TOGARAM1: variants seen among roughly 807,000 people sequenced by gnomAD.
The protein encoded by TOGARAM1 is TOG array regulator of axonemal microtubules 1.
In TOGARAM1, 100 loss-of-function variants were observed where a neutral mutation model predicts 166.6. The ratio of observed to expected loss-of-function variants is 0.60; its 90% CI spans 0.51 to 0.71. The LOEUF is 0.71. TOGARAM1 is among the 30% of genes least tolerant of loss of function. TOGARAM1 has a pLI of 0.00. For missense variants in TOGARAM1, 2,029 were observed against 2,102.7 expected, an observed-to-expected ratio of 0.96 and a Z score of 0.69; for synonymous variants, 758 against 763.8, an observed-to-expected ratio of 0.99 and a Z score of 0.13.
chr14:45,051,781 C>T (rs891003960), intron 14 of TOGARAM1, among the ~76,000 whole-genome samples: 9 of 152,052 alleles, frequency 5.9e-5, no homozygotes, highest in Admixed American at 6.6e-5. Context: ...AGGCTGATCT[C>T]GAACTCCTGA....
chr14:44,969,110 T>TTTCCTTCCTTCCTTCCTTCC lies in TOGARAM1; in HGVS notation c.2046+4662_2046+4681dup, dbSNP rs369302120. 1.1e-3 allele frequency among the ~76,000 whole-genome samples: 153 copies of TTTCCTTCCTTCCTTCCTTCC among 139,204 alleles called. 2 individuals carry two copies. Among genetic ancestry groups the TTTCCTTCCTTCCTTCCTTCC allele is most frequent in the African/African-American group, 4.0e-3 (137 of 34,266 alleles). The allele number at this position is 139,204 out of a possible 152,430, so 91.3% of individuals were successfully genotyped here. A position where few individuals can be genotyped will look rare whatever the true frequency, so the allele number is the denominator to read the frequency against. ...GTTTGATACCTCATTTCTTTCTTTC[T>TTTCCTTCCTTCCTTCCTTCC]TTCCTTCCTTCCTTCCTTCCTTCCT... On this transcript the variant is annotated intron_variant, in intron 1 of 19. Coordinates refer to ENST00000361462, the MANE Select transcript of TOGARAM1 (RefSeq NM_001308120.2).
At chr14:45,052,620 C>T in intron 15 of TOGARAM1, 58 bp downstream of exon 15, 1 of 1,457,160 alleles carries the variant, frequency 6.9e-7, no homozygotes, top group Non-Finnish European at 9.4e-7. Context: ...GTTTTTACAT[C>T]CAGGTAAAGG....
intron 8 of TOGARAM1, 50 bp from the exon 9 acceptor site, chr14:45,027,249 G>C (rs770789311): frequency 1.3e-6 from 2 of 1,586,556 alleles, no homozygotes; most frequent in African/African-American, 2.7e-5. Context: ...GTTGTCTAGA[G>C]TACCATCACA....
At chr14:45,037,347 T>C (rs1881486474) in intron 11 of TOGARAM1, among the ~76,000 whole-genome samples, 1 of 152,182 alleles carries the variant, frequency 6.6e-6, no homozygotes, top group African/African-American at 2.4e-5. Flanking sequence ...GGACCATAAT[T>C]AAATCTGCAA....
intron 16 of TOGARAM1, among the ~76,000 whole-genome samples, chr14:45,063,325 C>G (rs1030699691): frequency 1.3e-5 from 2 of 152,066 alleles, no homozygotes; most frequent in African/African-American, 4.8e-5. Context: ...TATGATAACT[C>G]TATGTTTAAT....
chr14:44,979,197 T>C (rs2138751091), intron 1 of TOGARAM1, among the ~76,000 whole-genome samples: 1 of 152,194 alleles, frequency 6.6e-6, no homozygotes, highest in East Asian at 1.9e-4. Flanking sequence ...ATAATACTGT[T>C]TTCAAAGGCA....
At chr14:45,007,299 C>A (rs1879507052) in intron 5 of TOGARAM1, 1 of 151,252 alleles carries the variant, frequency 6.6e-6, no homozygotes, top group Admixed American at 6.6e-5. Flanking sequence ...AGTAATCACC[C>A]CAACTTCTGC....
rs756440165 is a variant in TOGARAM1 at position 45,006,092 on chromosome 14, C to T, written c.2729C>T (p.Thr910Ile). ...SPSSRRGLNG[T>I]KPVPPIPRGI... ...TCTTCCCGACGAGGTCTAAATGGGACAAAGCCTGTTCCTCCCATACCAAGG... is the reference window on the plus strand; with the variant it reads ...TCTTCCCGACGAGGTCTAAATGGGATAAAGCCTGTTCCTCCCATACCAAGG... Residue 910 changes from threonine (T) to isoleucine (I), a missense_variant, in exon 5 of 20, where the codon ACA becomes ATA. This residue lies in a region of TOGARAM1 where 1,453 missense variants were observed against 1,432.2 expected (regional missense o/e 1.01). Transcript: ENST00000361462. 1.2e-6 allele frequency: 2 copies of T among 1,613,810 alleles called. No homozygotes were observed. Among genetic ancestry groups the T allele is most frequent in the South Asian group, 2.2e-5 (2 of 91,044 alleles).
chr14:45,004,152 A>G lies in TOGARAM1; in HGVS notation c.2430A>G (p.Pro810=), dbSNP rs143566568. 4.3e-6 allele frequency: 7 copies of G among 1,614,070 alleles called. No individual in the cohort carries two copies. Among genetic ancestry groups the G allele is most frequent in the African/African-American group, 4.0e-5 (3 of 74,940 alleles). Residue 810 remains proline (P), a synonymous_variant, in exon 4 of 20, where the codon CCA becomes CCG. Transcript: ENST00000361462. The part of the protein sequence containing the change: ...CTSSNGQNPS[P]GAYILPSYPV... ...CCTCAAATGGTCAAAATCCAAGTCCAGGAGCTTACATCCTTCCATCCTATC... is the reference window on the plus strand; with the variant it reads ...CCTCAAATGGTCAAAATCCAAGTCCGGGAGCTTACATCCTTCCATCCTATC...
chr14:44,994,898 G>A (rs1887341577), intron 1 of TOGARAM1, among the ~76,000 whole-genome samples: 1 of 152,114 alleles, frequency 6.6e-6, no homozygotes, highest in Non-Finnish European at 1.5e-5. Flanking sequence ...TACTGACAAG[G>A]TTTTTAGTTC....
At chr14:45,053,665 C>CA (rs1034280513) in intron 15 of TOGARAM1, among the ~76,000 whole-genome samples, 9 of 148,288 alleles carry the variant, frequency 6.1e-5, no homozygotes, top group East Asian at 3.9e-4. Flanking sequence ...TATAACCATG[C>CA]AAAAAAAAAT....
intron 7 of TOGARAM1, among the ~76,000 whole-genome samples, chr14:45,015,493 T>C (rs1159230634): frequency 6.6e-6 from 1 of 151,716 alleles, no homozygotes; most frequent in Non-Finnish European, 1.5e-5. Flanking sequence ...CTGCAGAGTA[T>C]TCATAAAGAG....
intron 10 of TOGARAM1, among the ~76,000 whole-genome samples, chr14:45,029,984 G>C (rs1295709835): frequency 6.6e-6 from 1 of 152,066 alleles, no homozygotes; most frequent in Non-Finnish European, 1.5e-5. Context: ...ACCATGTCAG[G>C]CTAATTTTTG....
At chr14:44,967,576 G>T (rs1426276170) in intron 1 of TOGARAM1, among the ~76,000 whole-genome samples, 5 of 152,224 alleles carry the variant, frequency 3.3e-5, no homozygotes, top group Non-Finnish European at 5.9e-5. Flanking sequence ...ATAGGTCCCA[G>T]TGAATTTCAG....
chr14:45,067,041 A>C (rs959600353), intron 17 of TOGARAM1, among the ~76,000 whole-genome samples: 6 of 152,206 alleles, frequency 3.9e-5, no homozygotes, highest in African/African-American at 1.4e-4. Context: ...TATACAAATT[A>C]CACAAATTTA....
intron 7 of TOGARAM1, among the ~76,000 whole-genome samples, chr14:45,015,731 A>G (rs554155530): frequency 6.6e-6 from 1 of 152,180 alleles, no homozygotes; most frequent in African/African-American, 2.4e-5. Context: ...AATAAGGTTG[A>G]GTGACTTGTC....
In TOGARAM1 at chr14:45,043,571, A is replaced by C. The variant is rs1594684862; in HGVS notation, c.3813-115A>C. Reference sequence around the variant, plus strand: ...AAAACTTTTCTTCTGAGCCTTTCTCACCTTTCTGAACCTCTTCCTTGGCAA... The same window carrying C: ...AAAACTTTTCTTCTGAGCCTTTCTCCCCTTTCTGAACCTCTTCCTTGGCAA... On this transcript the variant is annotated intron_variant, in intron 11 of 19. Transcript: ENST00000361462. 4.4e-6 allele frequency: 3 copies of C among 683,454 alleles called. No homozygotes were observed. In the East Asian group the frequency reaches 8.0e-5, roughly 18 times the overall value. The allele number at this position is 683,454 out of a possible 1,614,324, so 42.3% of individuals were successfully genotyped here. A position where few individuals can be genotyped will look rare whatever the true frequency, so the allele number is the denominator to read the frequency against.
At chr14:45,031,403 G>A (rs1349284971) in intron 10 of TOGARAM1, among the ~76,000 whole-genome samples, 3 of 152,106 alleles carry the variant, frequency 2.0e-5, no homozygotes, top group East Asian at 3.9e-4. Flanking sequence ...AAAATGCTTG[G>A]TCAATGTCTT....
At chr14:45,019,140 C>A (rs1880335730) in intron 7 of TOGARAM1, among the ~76,000 whole-genome samples, 1 of 152,174 alleles carries the variant, frequency 6.6e-6, no homozygotes, top group Non-Finnish European at 1.5e-5. Flanking sequence ...TTACCATTTT[C>A]CCAGTTATGG....
Sources: gnomAD v4.1 joint callset for allele counts (sites outside exome capture counted in the v4.1 genomes callset) on GRCh38, gnomAD v4.1.1 for gene constraint, gnomAD v4.1.1 regional missense constraint, MANE v1.5 for transcripts, NCBI Gene and HGNC (gene_info 2026-07-23, HGNC 2026-07-21) for gene names.